Variants in RCAN3 observed in about 807,000 individuals in gnomAD.
RCAN3 encodes calcipressin-3.
In RCAN3, 19 loss-of-function variants were observed where a neutral mutation model predicts 21.9. The observed-to-expected ratio is 0.87, with a 90% CI of 0.61 to 1.27. The LOEUF (loss-of-function observed/expected upper bound fraction) is 1.27, where lower values mean the gene tolerates loss of function less well. Among genes scored for constraint, RCAN3 ranks in the 50% most tolerant of loss-of-function variants. The probability of loss-of-function intolerance (pLI) is 0.00; values close to 1 mark genes in which losing one functional copy is unlikely to be tolerated. For missense variants in RCAN3, 240 were observed against 300.1 expected (o/e 0.80, Z 1.48); for synonymous variants, 114 against 112.3 (o/e 1.01, Z -0.09).
intron 2 of RCAN3, among the ~76,000 whole-genome samples, chr1:24,522,419 GT>G (rs1320694163): frequency 2.0e-5 from 3 of 152,176 alleles, no homozygotes; most frequent in Non-Finnish European, 2.9e-5. Context: ...GTCCCATAGG[GT>G]AGCCCTCAAC....
In RCAN3 at chr1:24,533,142, G is replaced by T; in HGVS notation, c.429G>T (p.Lys143Asn). The T allele has an allele frequency of 6.3e-7, 1 of 1,597,910 alleles. No individual in the cohort carries two copies. The highest frequency in any genetic ancestry group is 8.5e-7 in the Non-Finnish European group (1 of 1,174,144). ...KSYLLPPQPV[K>N]QFLISPPASP... is the part of the protein sequence containing the mutation. ...ATCTCCTGCCGCCCCAGCCTGTCAA[G>T]CAGTTCCTCATCTCCCCTCCAGCCT... The change falls in exon 4 of 5, where the codon AAG (lysine) becomes AAT (asparagine). Residue 143 changes from lysine to asparagine, a missense_variant. Transcript: ENST00000374395.
In RCAN3 at chr1:24,539,312, C is replaced by T. The variant is rs1340650064; in HGVS notation, c.*4035C>T. The stretch of plus-strand genomic sequence containing the variant: ...AGTGAATAAGAAAAATCTCATCATT[C>T]GATGGAAGAGGTGACTTAATAATTT... On this transcript the variant is annotated 3_prime_UTR_variant, in exon 5 of 5. Transcript: ENST00000374395. 6.6e-6 allele frequency: 1 copy of T among 151,150 alleles called. No individual in the cohort carries two copies. Among genetic ancestry groups the T allele is most frequent in the African/African-American group, 2.4e-5 (1 of 41,096 alleles). The allele number at this position is 151,150 out of a possible 1,614,324, so 9.4% of individuals were successfully genotyped here.
At chr1:24,527,130 C>T (rs1467299244) in intron 2 of RCAN3, among the ~76,000 whole-genome samples, 2 of 152,082 alleles carry the variant, frequency 1.3e-5, no homozygotes, top group Non-Finnish European at 2.9e-5. Context: ...CTCCCAGGCT[C>T]AAGCAATTCT....
rs1399665596 is a variant in RCAN3, at chr1:24,502,879, G to A, written c.-331G>A. 6.7e-6 allele frequency: 1 copy of A among 150,350 alleles called. No individual in the cohort carries two copies. The highest frequency in any genetic ancestry group is 1.5e-5 in the Non-Finnish European group (1 of 67,326). 9.3% of individuals were successfully genotyped at this position (150,350 alleles called of 1,614,324 possible). A position where few individuals can be genotyped will look rare whatever the true frequency, so the allele number is the denominator to read the frequency against. On this transcript the variant is annotated 5_prime_UTR_variant, in exon 1 of 5. Transcript: ENST00000374395. ...GCGGGCGCGCGGCGCCGGCAGCCTA[G>A]CTCAGCCGGGACACCGCCCTAGTCC... is the stretch of plus-strand genomic sequence containing the variant.
intron 1 of RCAN3, among the ~76,000 whole-genome samples, chr1:24,510,153 A>G (rs1292123556): frequency 1.3e-5 from 2 of 152,334 alleles, no homozygotes; most frequent in East Asian, 3.9e-4. Flanking sequence ...GCACAGGCAG[A>G]GTAGATTTAG....
rs1319369365 is a variant in RCAN3 at position 24,514,298 on chromosome 1, TC to T, written c.-59-15del. 55 of 1,329,016 alleles carry T rather than the reference TC, an allele frequency of 4.1e-5. No homozygotes were observed. Among genetic ancestry groups the T allele is most frequent in the Non-Finnish European group, 5.5e-5 (54 of 989,944 alleles). The allele number at this position is 1,329,016 out of a possible 1,614,324, so 82.3% of individuals were successfully genotyped here. ...TCTTCGGAGTTTTACCTCTGCATTT[TC>T]TTTTTTTTTAACAGTGGGTGCCTGA... On this transcript the variant is annotated splice_polypyrimidine_tract_variant and intron_variant, in intron 1 of 4. Transcript: ENST00000374395.
chr1:24,507,163 C>T (rs1047575526), intron 1 of RCAN3, among the ~76,000 whole-genome samples: 1 of 152,182 alleles, frequency 6.6e-6, no homozygotes, highest in South Asian at 2.1e-4. Flanking sequence ...CTGGCCCATA[C>T]CTGCCTTTCC....
chr1:24,533,731 C>T (rs1013655492), intron 4 of RCAN3, among the ~76,000 whole-genome samples: 2 of 151,982 alleles, frequency 1.3e-5, no homozygotes, highest in African/African-American at 4.8e-5. Context: ...ACCCAAGAGG[C>T]AGAGGATGCA....
intron 2 of RCAN3, among the ~76,000 whole-genome samples, chr1:24,516,535 T>G (rs367909375): frequency 6.6e-6 from 1 of 152,150 alleles, no homozygotes; most frequent in South Asian, 2.1e-4. Context: ...CCATTCTGTG[T>G]GCTTAGCACA....
rs1234382969 is a variant in RCAN3 at position 24,533,077 on chromosome 1, C to T, written c.370-6C>T. 1.4e-6 allele frequency: 2 copies of T among 1,440,218 alleles called. No homozygotes were observed. The highest frequency in any genetic ancestry group is 1.8e-6 in the Non-Finnish European group (2 of 1,094,110). 89.2% of individuals were successfully genotyped at this position (1,440,218 alleles called of 1,614,324 possible). On this transcript the variant is annotated splice_polypyrimidine_tract_variant and splice_region_variant and intron_variant, in intron 3 of 4. Coordinates refer to ENST00000374395, the MANE Select transcript of RCAN3 (RefSeq NM_013441.4). Reference sequence around the variant, plus strand: ...AAACTGGCTTTGAGCGTCTCGCTCCCTGCAGGTGCAGATGTCCGGCGAAGT... The same window carrying T: ...AAACTGGCTTTGAGCGTCTCGCTCCTTGCAGGTGCAGATGTCCGGCGAAGT...
chr1:24,531,788 A>T (rs998344626), intron 3 of RCAN3, among the ~76,000 whole-genome samples: 1 of 152,212 alleles, frequency 6.6e-6, no homozygotes, highest in Non-Finnish European at 1.5e-5. Flanking sequence ...AATCATTTCC[A>T]TAATTCATAT....
At chr1:24,531,442 C>G in intron 3 of RCAN3, 51 bp downstream of exon 3, 1 of 1,354,314 alleles carries the variant, frequency 7.4e-7, no homozygotes, top group South Asian at 1.8e-5. Flanking sequence ...TTTCTCCATC[C>G]AAAAATATTT....
intron 1 of RCAN3, among the ~76,000 whole-genome samples, chr1:24,504,197 C>CA (rs1647275682): frequency 6.6e-6 from 1 of 152,178 alleles, no homozygotes; most frequent in African/African-American, 2.4e-5. Flanking sequence ...CTTCTCTTTT[C>CA]TTCTTTTTGA....
At chr1:24,533,339 A>G (rs2148913761) in intron 4 of RCAN3, 85 bp downstream of exon 4, 3 of 1,133,198 alleles carry the variant, frequency 2.6e-6, no homozygotes, top group African/African-American at 1.6e-5. Context: ...TTGTGGCAGT[A>G]TGATTAGAGC....
intron 2 of RCAN3, among the ~76,000 whole-genome samples, chr1:24,524,013 G>A (rs1649045640): frequency 6.6e-6 from 1 of 152,100 alleles, no homozygotes; most frequent in Non-Finnish European, 1.5e-5. Context: ...ATCACCCTGA[G>A]GTCAGGAGTT....
intron 1 of RCAN3, among the ~76,000 whole-genome samples, chr1:24,511,879 C>T (rs1647915826): frequency 6.6e-6 from 1 of 152,004 alleles, no homozygotes; most frequent in African/African-American, 2.4e-5. Flanking sequence ...ACAGCTGCAG[C>T]CAAAAGGTAG....
chr1:24,526,897 C>G (rs1649316538), intron 2 of RCAN3, among the ~76,000 whole-genome samples: 1 of 152,066 alleles, frequency 6.6e-6, no homozygotes, highest in African/African-American at 2.4e-5. Flanking sequence ...GAAATGGATG[C>G]TAAAGAAACT....
intron 2 of RCAN3, among the ~76,000 whole-genome samples, chr1:24,515,439 T>C (rs904961722): frequency 6.7e-6 from 1 of 148,470 alleles, no homozygotes; most frequent in African/African-American, 2.5e-5. Context: ...TGTGTGTGTG[T>C]GTGTGTGTGT....
intron 2 of RCAN3, among the ~76,000 whole-genome samples, chr1:24,516,838 G>A (rs1057454026): frequency 2.0e-5 from 3 of 152,158 alleles, no homozygotes; most frequent in Admixed American, 1.3e-4. Flanking sequence ...GGCTGCACTC[G>A]CCAACTTTGT....
Sources: gnomAD v4.1 joint callset for allele counts (sites outside exome capture counted in the v4.1 genomes callset) on GRCh38, gnomAD v4.1.1 for gene constraint, MANE v1.5 for transcripts, NCBI Gene and HGNC (gene_info 2026-07-23, HGNC 2026-07-21) for gene names.